Variants in ATF1 observed in about 807,000 individuals in gnomAD.
ATF1 encodes the protein activating transcription factor 1, also known as cyclic AMP-dependent transcription factor ATF-1.
A neutral mutation model predicts 34.7 loss-of-function variants in ATF1; 16 were observed. The observed-to-expected ratio is 0.46, with a 90% CI of 0.31 to 0.70. The LOEUF is 0.70. Ranked by LOEUF, ATF1 falls within the 30% of genes least tolerant of loss-of-function variation. The pLI is 0.05. For missense variants in ATF1, 255 were observed against 321.6 expected (o/e 0.79, Z 1.58); for synonymous variants, 105 against 113.1 (o/e 0.93, Z 0.46).
intron 3 of ATF1, among the ~76,000 whole-genome samples, chr12:50,808,327 GTTTGTT>G (rs1244132296): frequency 1.3e-5 from 2 of 149,304 alleles, no homozygotes; most frequent in African/African-American, 4.9e-5. Flanking sequence ...GTTTTTTTTT[GTTTGTT>G]TTTGTTTCTT....
intron 3 of ATF1, among the ~76,000 whole-genome samples, chr12:50,808,541 C>T (rs527782060): frequency 6.6e-6 from 1 of 152,016 alleles, no homozygotes; most frequent in East Asian, 1.9e-4. Flanking sequence ...GTTGGCCAGG[C>T]TGGTCTCCAA....
intron 6 of ATF1, among the ~76,000 whole-genome samples, chr12:50,816,704 G>A (rs1279387419): frequency 6.6e-6 from 1 of 152,064 alleles, no homozygotes; most frequent in Non-Finnish European, 1.5e-5. Flanking sequence ...ACCAGCCTGG[G>A]CAATATAGGG....
rs1227152154 is a variant in ATF1, at chr12:50,814,163, T to C, written c.482T>C (p.Leu161Pro). The C allele has an allele frequency of 6.2e-7, 1 of 1,614,168 alleles. No individual in the cohort carries two copies. Among genetic ancestry groups the C allele is most frequent in the Admixed American group, 1.7e-5 (1 of 60,016 alleles). Residue 161 changes from leucine to proline, a missense_variant, in exon 5 of 7, where the codon CTT becomes CCT. Physicochemically the swap from Leu to Pro is moderately conservative, Grantham distance 98. This residue lies in a region of ATF1 where 221 missense variants were observed against 250.7 expected (regional missense o/e 0.88). Coordinates refer to ENST00000262053, the MANE Select transcript of ATF1 (RefSeq NM_005171.5). ...CAGACCTCTGATGGACAGCAGATAC[T>C]TGTGCCCAGCAATCAGGTGGTCGTA... ...YAQTSDGQQILVPSNQVVVQT... is the reference protein window; with the variant it reads ...YAQTSDGQQIPVPSNQVVVQT...
intron 2 of ATF1, among the ~76,000 whole-genome samples, chr12:50,782,732 C>A (rs1941097397): frequency 6.8e-6 from 1 of 146,986 alleles, no homozygotes; most frequent in African/African-American, 2.5e-5. Flanking sequence ...CTCTGTCGCC[C>A]AGACTGGAGT....
At chr12:50,772,157 G>A (rs1940787853) in intron 1 of ATF1, among the ~76,000 whole-genome samples, 1 of 152,046 alleles carries the variant, frequency 6.6e-6, no homozygotes, top group Admixed American at 6.6e-5. Flanking sequence ...TGTAACAATA[G>A]CGTCTCACTG....
chr12:50,789,175 C>A (rs939689062), intron 2 of ATF1, among the ~76,000 whole-genome samples: 5 of 151,876 alleles, frequency 3.3e-5, no homozygotes, highest in African/African-American at 1.2e-4. Context: ...ACCTCCACTT[C>A]CTGGGTTCAA....
chr12:50,793,934 GTTATTTTTTATTTATTTTTATTT>G (rs1941357432), intron 2 of ATF1, among the ~76,000 whole-genome samples: 1 of 151,818 alleles, frequency 6.6e-6, no homozygotes, highest in Non-Finnish European at 1.5e-5. Flanking sequence ...GCCTGTTTGG[GTTATTTTTTATTTATTTTTATTT>G]TTATTTTTTT....
At chr12:50,790,281 C>T (rs1237366432) in intron 2 of ATF1, among the ~76,000 whole-genome samples, 1 of 150,968 alleles carries the variant, frequency 6.6e-6, no homozygotes, top group Non-Finnish European at 1.5e-5. Context: ...CACAGCTCAC[C>T]ACAACCTCCA....
intron 4 of ATF1, among the ~76,000 whole-genome samples, chr12:50,811,324 T>C (rs1941732869): frequency 6.6e-6 from 1 of 152,180 alleles, no homozygotes; most frequent in African/African-American, 2.4e-5. Context: ...TAATTATAGA[T>C]TAGCTTATTC....
intron 1 of ATF1, among the ~76,000 whole-genome samples, chr12:50,777,319 A>C (rs1397443485): frequency 6.6e-6 from 1 of 152,194 alleles, no homozygotes; most frequent in Non-Finnish European, 1.5e-5. Flanking sequence ...AATGTGATTA[A>C]TATCTGTCAT....
chr12:50,815,654 G>A (rs1941829526), intron 6 of ATF1, among the ~76,000 whole-genome samples: 1 of 151,672 alleles, frequency 6.6e-6, no homozygotes, highest in Admixed American at 6.6e-5. Context: ...GCCTCCCAAA[G>A]TGCTGGGATT....
chr12:50,764,881 G>A (rs1940591972), intron 1 of ATF1, among the ~76,000 whole-genome samples: 1 of 152,246 alleles, frequency 6.6e-6, no homozygotes, highest in Admixed American at 6.5e-5. Flanking sequence ...GCCTGGCAGC[G>A]GAGACAGAGT....
intron 3 of ATF1, among the ~76,000 whole-genome samples, chr12:50,807,885 T>C (rs1214936027): frequency 1.3e-5 from 2 of 151,088 alleles, no homozygotes; most frequent in East Asian, 4.0e-4. Context: ...ATTCCACTCA[T>C]TGGAGCCTCC....
Position 50,780,206 on chromosome 12 carries a change from C to G in ATF1, c.61C>G (p.Gln21Glu), listed in dbSNP as rs1044153043. ...ETAPQPGSAV[Q>E]GAHISHIAQQ... ...AGCACCTCAACCTGGTTCAGCAGTT[C>G]AGGGAGCTCACATTTCTCATATTGC... Residue 21 changes from glutamine (Q) to glutamate (E), a missense_variant, in exon 2 of 7, where the codon CAG (glutamine) becomes GAG (glutamate). By Grantham distance (29) the Gln-to-Glu change is conservative. Around this residue, in one of 2 missense-constraint regions of ATF1, gnomAD observed 221 missense variants for 250.7 expected, o/e 0.88. Coordinates refer to ENST00000262053, the MANE Select transcript of ATF1 (RefSeq NM_005171.5). 6.2e-7 allele frequency: 1 copy of G among 1,613,656 alleles called. No individual in the cohort carries two copies. Among genetic ancestry groups the G allele is most frequent in the African/African-American group, 1.3e-5 (1 of 74,900 alleles).
At chr12:50,806,695 GAA>G (rs60568482) in intron 3 of ATF1, among the ~76,000 whole-genome samples, 3 of 139,182 alleles carry the variant, frequency 2.2e-5, no homozygotes, top group African/African-American at 7.8e-5. Context: ...GTGTACTTGT[GAA>G]AAAAAAAAAA....
chr12:50,799,739 G>A (rs949610547), intron 3 of ATF1, among the ~76,000 whole-genome samples: 1 of 152,122 alleles, frequency 6.6e-6, no homozygotes, highest in South Asian at 2.1e-4. Context: ...TCATTGGATG[G>A]GTTCAATAGT....
At chr12:50,785,988 C>T (rs1377398707) in intron 2 of ATF1, among the ~76,000 whole-genome samples, 2 of 152,160 alleles carry the variant, frequency 1.3e-5, no homozygotes, top group East Asian at 1.9e-4. Flanking sequence ...AGTCACAAGT[C>T]CCTCCCACTC....
intron 3 of ATF1, among the ~76,000 whole-genome samples, chr12:50,799,595 A>G (rs1306349524): frequency 2.6e-5 from 4 of 152,158 alleles, no homozygotes; most frequent in African/African-American, 7.2e-5. Context: ...TAAAGAAGCT[A>G]TTATTAAACT....
intron 3 of ATF1, among the ~76,000 whole-genome samples, chr12:50,801,981 A>C (rs1208237524): frequency 6.6e-6 from 1 of 152,232 alleles, no homozygotes; most frequent in Non-Finnish European, 1.5e-5. Context: ...CACTTTGTAC[A>C]TGACAGTATC....
Sources: gnomAD v4.1 joint callset for allele counts (sites outside exome capture counted in the v4.1 genomes callset) on GRCh38, gnomAD v4.1.1 for gene constraint, gnomAD v4.1.1 regional missense constraint, MANE v1.5 for transcripts, NCBI Gene and HGNC (gene_info 2026-07-23, HGNC 2026-07-21) for gene names.